SASH1: variants seen among roughly 807,000 people sequenced by gnomAD.
SASH1 encodes the protein SAM and SH3 domain containing 1, also known as SAM and SH3 domain-containing protein 1.
A neutral mutation model predicts 125.2 loss-of-function variants in SASH1; 44 were observed. The observed-to-expected ratio is 0.35, with a 90% confidence interval of 0.28 to 0.45. SASH1 has a LOEUF of 0.45. SASH1 is among the 20% of genes least tolerant of loss of function. SASH1 has a pLI of 1.00. For missense variants in SASH1, 1,426 were observed against 1,614.5 expected (o/e 0.88, Z 2.00); for synonymous variants, 639 against 649.1 (o/e 0.98, Z 0.24).
intron 2 of SASH1, among the ~76,000 whole-genome samples, chr6:148,436,613 G>A (rs890978129): frequency 2.6e-5 from 4 of 152,232 alleles, no homozygotes; most frequent in Non-Finnish European, 4.4e-5. Context: ...GCATCCTGCT[G>A]TGAGGAAGCC....
intron 1 of SASH1, among the ~76,000 whole-genome samples, chr6:148,304,535 G>A (rs1780071383): frequency 1.3e-5 from 2 of 151,908 alleles, no homozygotes; most frequent in Admixed American, 6.6e-5. Flanking sequence ...GCTCGAACCG[G>A]GGAGGCAGAG....
chr6:148,527,719 T>C, intron 12 of SASH1, 123 bp downstream of exon 12: 1 of 945,484 alleles, frequency 1.1e-6, no homozygotes, highest in Non-Finnish European at 1.6e-6. Flanking sequence ...CTGCTCCAAG[T>C]CCGTGCTTTA....
At chr6:148,357,608 CAAGG>C (rs1158908040) in intron 1 of SASH1, among the ~76,000 whole-genome samples, 1 of 152,124 alleles carries the variant, frequency 6.6e-6, no homozygotes, top group African/African-American at 2.4e-5. Flanking sequence ...CCATCAATTC[CAAGG>C]TGGTGGAGAG....
intron 1 of SASH1, among the ~76,000 whole-genome samples, chr6:148,310,336 T>G (rs1296290421): frequency 2.0e-5 from 3 of 151,560 alleles, no homozygotes; most frequent in Non-Finnish European, 4.4e-5. Context: ...CAAAACAAAC[T>G]TAGCCTCTAG....
chr6:148,412,852 A>T (rs754856974), intron 2 of SASH1, among the ~76,000 whole-genome samples: 1 of 152,194 alleles, frequency 6.6e-6, no homozygotes, highest in South Asian at 2.1e-4. Flanking sequence ...ATACAGAGAA[A>T]GGGTCATAGG....
At chr6:148,471,996 C>T (rs574874351) in intron 6 of SASH1, among the ~76,000 whole-genome samples, 5 of 152,238 alleles carry the variant, frequency 3.3e-5, no homozygotes, top group South Asian at 4.1e-4. Flanking sequence ...TTTGCCCGGG[C>T]GGCTTTGTGA....
intron 2 of SASH1, among the ~76,000 whole-genome samples, chr6:148,410,990 T>G (rs1424561070): frequency 6.6e-6 from 1 of 151,880 alleles, no homozygotes; most frequent in Non-Finnish European, 1.5e-5. Flanking sequence ...CGAAAACCTA[T>G]CTCTATTAAA....
intron 1 of SASH1, among the ~76,000 whole-genome samples, chr6:148,350,626 C>G (rs1314122843): frequency 1.3e-5 from 2 of 152,180 alleles, no homozygotes; most frequent in African/African-American, 4.8e-5. Flanking sequence ...GTGTCTAAGA[C>G]TTGACTGTCA....
At chr6:148,269,969 T>C (rs1317738481), upstream of SASH1, among the ~76,000 whole-genome samples, 1 of 152,208 alleles carries the variant, frequency 6.6e-6, no homozygotes, top group Non-Finnish European at 1.5e-5. Flanking sequence ...CCCAGTTAGC[T>C]GTCTCCCAGT....
At chr6:148,315,496 C>T (rs866057346) in intron 1 of SASH1, among the ~76,000 whole-genome samples, 4 of 152,144 alleles carry the variant, frequency 2.6e-5, no homozygotes, top group East Asian at 3.8e-4. Context: ...AAAGACCGTA[C>T]TTTTTTATGA....
At chr6:148,498,557 A>G (rs993694737) in intron 8 of SASH1, among the ~76,000 whole-genome samples, 2 of 152,198 alleles carry the variant, frequency 1.3e-5, no homozygotes, top group Non-Finnish European at 2.9e-5. Flanking sequence ...TGTTTCTTTC[A>G]TTTGGTTGAA....
intron 16 of SASH1, among the ~76,000 whole-genome samples, chr6:148,536,336 GTTTTA>G (rs780145248): frequency 2.0e-5 from 3 of 151,902 alleles, no homozygotes; most frequent in African/African-American, 2.4e-5. Flanking sequence ...GTTTTGTTTT[GTTTTA>G]TTTTGTTTTG....
intron 4 of SASH1, among the ~76,000 whole-genome samples, chr6:148,458,680 G>A (rs1190069568): frequency 6.6e-6 from 1 of 152,094 alleles, no homozygotes; most frequent in East Asian, 1.9e-4. Context: ...AAAATACTAT[G>A]TGGGCTGAGG....
upstream of SASH1, among the ~76,000 whole-genome samples, chr6:148,271,777 G>A (rs1779069293): frequency 6.6e-6 from 1 of 152,156 alleles, no homozygotes; most frequent in Non-Finnish European, 1.5e-5. Context: ...AACTTACCGT[G>A]TTAAATGGAT....
the SASH1 span, among the ~76,000 whole-genome samples, chr6:148,228,574 A>G: frequency 6.6e-6 from 1 of 152,244 alleles, no homozygotes; most frequent in Non-Finnish European, 1.5e-5. Flanking sequence ...TGAGCTTGTC[A>G]AATGGATTTG....
chr6:148,252,904 C>T, the SASH1 span, among the ~76,000 whole-genome samples: 41 of 152,302 alleles, frequency 2.7e-4, no homozygotes, highest in Middle Eastern at 3.4e-3. Context: ...AGGTACCCAT[C>T]AGGAATTTGG....
intron 1 of SASH1, among the ~76,000 whole-genome samples, chr6:148,353,259 C>G (rs1781803659): frequency 1.3e-5 from 2 of 151,608 alleles, no homozygotes; most frequent in Non-Finnish European, 2.9e-5. Context: ...TTTTTTCTAG[C>G]ATTGGAGGGG....
At chr6:148,325,116 G>T (rs1406527526) in intron 1 of SASH1, among the ~76,000 whole-genome samples, 1 of 152,158 alleles carries the variant, frequency 6.6e-6, no homozygotes, top group Admixed American at 6.5e-5. Context: ...AATTTATAAA[G>T]AAAAGAGGTT....
chr6:148,458,305 C>G (rs768002042), intron 4 of SASH1, among the ~76,000 whole-genome samples: 16 of 152,188 alleles, frequency 1.1e-4, no homozygotes, highest in Non-Finnish European at 1.8e-4. Flanking sequence ...AAACATCTCA[C>G]GATAAAGTTC....
Sources: allele counts gnomAD v4.1 joint callset (sites outside exome capture counted in the v4.1 genomes callset), GRCh38; gene constraint gnomAD v4.1.1; transcripts MANE v1.5; gene names NCBI Gene and HGNC (gene_info 2026-07-23, HGNC 2026-07-21).